The following IQGAP2 variants were observed in gnomAD, a reference collection of about 807,000 sequenced individuals.
IQGAP2 encodes IQ motif containing GTPase activating protein 2.
Under a neutral mutation model 201.3 loss-of-function variants are expected in IQGAP2, and 173 were observed. The observed-to-expected ratio is 0.86, with a 90% confidence interval of 0.76 to 0.98. IQGAP2 has a LOEUF of 0.98. IQGAP2 is among the 50% of genes least tolerant of loss of function. The pLI, the probability that IQGAP2 is intolerant of heterozygous loss-of-function variation, is 0.00. For missense variants in IQGAP2, 1,687 were observed against 1,864.8 expected (o/e 0.90, Z 1.76); for synonymous variants, 675 against 673.9 (o/e 1.00, Z -0.03).
intron 8 of IQGAP2, among the ~76,000 whole-genome samples, chr5:76,591,613 T>A (rs1746659248): frequency 6.6e-6 from 1 of 152,212 alleles, no homozygotes; most frequent in Non-Finnish European, 1.5e-5. Flanking sequence ...TGAGATTCTC[T>A]GCTTCACTAG....
intron 2 of IQGAP2, among the ~76,000 whole-genome samples, chr5:76,507,404 T>C (rs527392770): frequency 1.6e-4 from 20 of 123,556 alleles, no homozygotes; most frequent in Admixed American, 9.3e-4. Context: ...CACAAAACTC[T>C]AAAACTCCTA....
chr5:76,638,557 C>T (rs1432803831), intron 16 of IQGAP2, among the ~76,000 whole-genome samples: 2 of 151,950 alleles, frequency 1.3e-5, no homozygotes, highest in East Asian at 3.9e-4. Flanking sequence ...TATAGGAGCC[C>T]AGGGCTGAAG....
rs35574851 is a variant in IQGAP2, at chr5:76,409,241, C to CTTTT, written c.46+5670_46+5673dup. On this transcript the variant is annotated intron_variant, in intron 1 of 35. Transcript: ENST00000274364. ...CAAGAAACAGCATAGAATACATGGG[C>CTTTT]TTTTTTTTTTTTTTTTTTTTTTTGA... Among the ~76,000 whole-genome samples, 622 of 79,380 alleles carry CTTTT rather than the reference C, an allele frequency of 7.8e-3. 16 individuals carry two copies. Among genetic ancestry groups the CTTTT allele is most frequent in the East Asian group, 0.023 (55 of 2,378 alleles). 52.1% of individuals were successfully genotyped at this position (79,380 alleles called of 152,430 possible).
In IQGAP2 at chr5:76,629,653, T is replaced by TA. The variant is rs763946424; in HGVS notation, c.1612+2154dup. Among the ~76,000 whole-genome samples the TA allele has an allele frequency of 4.9e-4, 74 of 152,346 alleles. 1 individual carries two copies. Among genetic ancestry groups the TA allele is most frequent in the Non-Finnish European group, 6.9e-4 (47 of 68,026 alleles). On this transcript the variant is annotated intron_variant, in intron 14 of 35. Coordinates refer to ENST00000274364, the MANE Select transcript of IQGAP2 (RefSeq NM_006633.5). ...ATTTTGTATACCTGTTTATGTGCCA[T>TA]ATGTAGACCTGTACTTTATACATAA...
intron 11 of IQGAP2, among the ~76,000 whole-genome samples, chr5:76,605,349 C>A (rs905721690): frequency 6.6e-6 from 1 of 152,086 alleles, no homozygotes. Flanking sequence ...GTGAGAGGGC[C>A]ATTTTTAATT....
chr5:76,666,380 T>G (rs1425194293), intron 22 of IQGAP2, among the ~76,000 whole-genome samples: 1 of 152,216 alleles, frequency 6.6e-6, no homozygotes, highest in Non-Finnish European at 1.5e-5. Flanking sequence ...GCACTTATCA[T>G]TTTTTACACC....
intron 2 of IQGAP2, among the ~76,000 whole-genome samples, chr5:76,545,052 AGTT>A (rs1382896017): frequency 1.3e-5 from 2 of 152,100 alleles, no homozygotes; most frequent in Non-Finnish European, 2.9e-5. Flanking sequence ...TCTTCTATAT[AGTT>A]ATCTCTACAT....
At chr5:76,605,293 C>T (rs1747724506) in intron 11 of IQGAP2, among the ~76,000 whole-genome samples, 2 of 152,274 alleles carry the variant, frequency 1.3e-5, no homozygotes, top group South Asian at 4.1e-4. Flanking sequence ...CTGTATCTTC[C>T]AGAGGGCTAT....
At chr5:76,654,891 G>C (rs1435680587) in intron 19 of IQGAP2, 43 bp from the exon 20 acceptor site, 5 of 1,281,044 alleles carry the variant, frequency 3.9e-6, no homozygotes, top group Non-Finnish European at 5.7e-6. Flanking sequence ...TGATGGAGTA[G>C]GTGGGACTCT....
intron 1 of IQGAP2, among the ~76,000 whole-genome samples, chr5:76,455,330 GTAGTCCCAGC>G (rs1259193252): frequency 6.6e-6 from 1 of 151,848 alleles, no homozygotes; most frequent in Non-Finnish European, 1.5e-5. Context: ...GCGCATGCCT[GTAGTCCCAGC>G]TACTTGAGAG....
At chr5:76,623,453 G>A in intron 13 of IQGAP2, 1 of 553,876 alleles carries the variant, frequency 1.8e-6, no homozygotes, top group Non-Finnish European at 3.2e-6. Flanking sequence ...CCAAGCCTCT[G>A]AACGTGTTAC....
At chr5:76,705,890 A>T (rs940460346) in intron 35 of IQGAP2, among the ~76,000 whole-genome samples, 1 of 152,254 alleles carries the variant, frequency 6.6e-6, no homozygotes, top group African/African-American at 2.4e-5. Flanking sequence ...CTATGTTACT[A>T]TGAAATGTTA....
At chr5:76,448,919 G>T (rs1371959583) in intron 1 of IQGAP2, among the ~76,000 whole-genome samples, 4 of 152,166 alleles carry the variant, frequency 2.6e-5, no homozygotes, top group Non-Finnish European at 5.9e-5. Flanking sequence ...CAGCCACCTT[G>T]AAAGAACTTT....
At chr5:76,655,746 T>C (rs965740644) in intron 20 of IQGAP2, among the ~76,000 whole-genome samples, 4 of 152,156 alleles carry the variant, frequency 2.6e-5, no homozygotes, top group Non-Finnish European at 5.9e-5. Flanking sequence ...TAATAAAAAT[T>C]TGTAGAAAGT....
intron 2 of IQGAP2, among the ~76,000 whole-genome samples, chr5:76,474,096 C>T (rs1421630097): frequency 6.6e-6 from 1 of 152,172 alleles, no homozygotes; most frequent in Non-Finnish European, 1.5e-5. Context: ...TTTTCTTTAA[C>T]AGAGTCAAAT....
At position 76,665,165 on chromosome 5, in the gene IQGAP2, A is replaced by G. The variant is rs755946621; in HGVS notation, c.2669A>G (p.Tyr890Cys). ...KTLETYQQLFYLLQTNPLYLA... is the reference protein window; with the variant it reads ...KTLETYQQLFCLLQTNPLYLA... The stretch of plus-strand genomic sequence containing the variant: ...CTAGAAACATATCAGCAGCTGTTTT[A>G]CCTTTTACAGGTGAGAACAATTTAT... Residue 890 changes from tyrosine (Y) to cysteine (C), a missense_variant, in exon 22 of 36, where the codon TAC becomes TGC. Physicochemically the swap from Tyr to Cys is radical, Grantham distance 194. Coordinates refer to ENST00000274364, the MANE Select transcript of IQGAP2 (RefSeq NM_006633.5). The G allele has an allele frequency of 5.0e-6, 8 of 1,612,768 alleles. No homozygotes were observed. In the East Asian group the frequency reaches 1.8e-4, roughly 36 times the overall value.
intron 34 of IQGAP2, 34 bp from the exon 35 acceptor site, chr5:76,702,448 A>G (rs1490188687): frequency 2.0e-6 from 2 of 977,448 alleles, no homozygotes; most frequent in African/African-American, 3.2e-5. Context: ...CTGTATTTGT[A>G]ATTTCTCATG....
In IQGAP2 at chr5:76,611,124, C is replaced by G. The variant is rs756855268; in HGVS notation, c.1462C>G (p.Pro488Ala). The G allele has an allele frequency of 6.2e-7, 1 of 1,613,860 alleles. No individual in the cohort carries two copies. Among genetic ancestry groups the G allele is most frequent in the Non-Finnish European group, 8.5e-7 (1 of 1,179,872 alleles). ...LPTANISDVD[P>A]AHAQHYQDVL... ...TACTGCGAATATTAGTGATGTGGAC[C>G]CAGCCCATGCCCAGCACTACCAGGA... The change falls in exon 13 of 36, where the codon CCA (proline) becomes GCA (alanine). Residue 488 changes from proline (P) to alanine (A), a missense_variant. Physicochemically the swap from Pro to Ala is conservative, Grantham distance 27. Coordinates refer to ENST00000274364, the MANE Select transcript of IQGAP2 (RefSeq NM_006633.5).
intron 13 of IQGAP2, among the ~76,000 whole-genome samples, chr5:76,624,872 G>C (rs1357101688): frequency 2.0e-5 from 3 of 152,152 alleles, no homozygotes; most frequent in Non-Finnish European, 4.4e-5. Flanking sequence ...TCAGGAGTTT[G>C]AGACCAGCCT....
Sources: allele counts gnomAD v4.1 joint callset (sites outside exome capture counted in the v4.1 genomes callset), GRCh38; gene constraint gnomAD v4.1.1; transcripts MANE v1.5; gene names NCBI Gene and HGNC (gene_info 2026-07-23, HGNC 2026-07-21).